BANK1: variants seen among roughly 807,000 people sequenced by gnomAD.
BANK1 encodes the protein B cell scaffold protein with ankyrin repeats 1, also known as B-cell scaffold protein with ankyrin repeats.
Under a neutral mutation model 94.5 loss-of-function variants are expected in BANK1, and 95 were observed. That is an observed-to-expected ratio of 1.00 (90% CI 0.85 to 1.19). The LOEUF is 1.19. BANK1 is among the 50% of genes most tolerant of loss of function. The pLI is 0.00. For missense variants in BANK1, 987 were observed against 932.2 expected, an observed-to-expected ratio of 1.06 and a Z score of -0.77; for synonymous variants, 334 against 308.4, an observed-to-expected ratio of 1.08 and a Z score of -0.87.
chr4:102,058,870 G>C (rs899821354), intron 11 of BANK1, among the ~76,000 whole-genome samples: 1 of 151,930 alleles, frequency 6.6e-6, no homozygotes, highest in Non-Finnish European at 1.5e-5. Context: ...GTGGGAATCA[G>C]AATTATTGGC....
chr4:101,947,309 A>ATATATATATATATATAGATATATATG (rs1176507515), intron 7 of BANK1, among the ~76,000 whole-genome samples: 1 of 67,864 alleles, frequency 1.5e-5, no homozygotes, highest in African/African-American at 4.5e-5. Flanking sequence ...ATATATATAT[A>ATATATATATATATATAGATATATATG]TATGTATATG....
chr4:102,021,573 A>G lies in BANK1; in HGVS notation c.1266A>G (p.Ser422=), dbSNP rs1249938833. Residue 422 remains serine (S), a synonymous_variant, in exon 8 of 17, where the codon TCA becomes TCG. Coordinates refer to ENST00000322953, the MANE Select transcript of BANK1 (RefSeq NM_017935.5). ...QENDYEEDIA[S]FSTYIPSTQN... ...ATGATTATGAAGAGGATATTGCCTC[A>G]TTTTCCACATATATTCCTTGTAAGT... is the stretch of plus-strand genomic sequence containing the variant. The G allele has an allele frequency of 9.8e-6, 14 of 1,433,128 alleles. No homozygotes were observed. The highest frequency in any genetic ancestry group is 1.3e-5 in the Non-Finnish European group (14 of 1,060,578). The allele number at this position is 1,433,128 out of a possible 1,614,324, so 88.8% of individuals were successfully genotyped here.
At chr4:101,945,136 AT>A (rs1329160923) in intron 7 of BANK1, among the ~76,000 whole-genome samples, 1 of 151,948 alleles carries the variant, frequency 6.6e-6, no homozygotes, top group Non-Finnish European at 1.5e-5. Flanking sequence ...TACCTTTTGC[AT>A]TTTAGTTAAA....
chr4:102,051,797 G>T (rs1728056202), intron 11 of BANK1, among the ~76,000 whole-genome samples: 1 of 152,160 alleles, frequency 6.6e-6, no homozygotes, highest in African/African-American at 2.4e-5. Flanking sequence ...GTGGGGGTAG[G>T]AGGGTAATGC....
At chr4:102,003,723 T>C (rs555586186) in intron 7 of BANK1, among the ~76,000 whole-genome samples, 13 of 152,254 alleles carry the variant, frequency 8.5e-5, no homozygotes, top group Admixed American at 4.6e-4. Context: ...AGCAAGGCTC[T>C]GGAAGAGCAT....
At chr4:101,806,450 G>T (rs1274220187) in intron 1 of BANK1, among the ~76,000 whole-genome samples, 2 of 152,098 alleles carry the variant, frequency 1.3e-5, no homozygotes, top group African/African-American at 2.4e-5. Context: ...AGACTGAGTA[G>T]TTCTTAATAA....
intron 1 of BANK1, among the ~76,000 whole-genome samples, chr4:101,810,017 T>A (rs1725687836): frequency 6.6e-6 from 1 of 152,014 alleles, no homozygotes; most frequent in African/African-American, 2.4e-5. Flanking sequence ...TTGGGCCCAA[T>A]ATAATCACAA....
intron 7 of BANK1, among the ~76,000 whole-genome samples, chr4:101,968,833 A>C (rs965169667): frequency 3.3e-5 from 5 of 152,124 alleles, no homozygotes; most frequent in Admixed American, 1.3e-4. Flanking sequence ...TCCTGAGAAG[A>C]AAACAGAAAA....
chr4:102,057,241 GCTCT>G (rs904468077), intron 11 of BANK1, among the ~76,000 whole-genome samples: 6 of 140,820 alleles, frequency 4.3e-5, no homozygotes, highest in South Asian at 2.3e-4. Context: ...TCTCTCTCTT[GCTCT>G]CTCTCTCTTT....
intron 6 of BANK1, among the ~76,000 whole-genome samples, chr4:101,907,796 C>A (rs1465484352): frequency 6.6e-6 from 1 of 152,110 alleles, no homozygotes; most frequent in South Asian, 2.1e-4. Context: ...GAGTGAACTC[C>A]CATTCACAGT....
At chr4:101,878,258 A>C (rs181473591) in intron 5 of BANK1, among the ~76,000 whole-genome samples, 1 of 152,302 alleles carries the variant, frequency 6.6e-6, no homozygotes, top group East Asian at 1.9e-4. Flanking sequence ...GAAAGGATGA[A>C]AAAAGATATC....
chr4:101,956,888 G>A (rs111329746), intron 7 of BANK1, among the ~76,000 whole-genome samples: 1 of 152,178 alleles, frequency 6.6e-6, no homozygotes, highest in African/African-American at 2.4e-5. Flanking sequence ...AGGAATGCAA[G>A]TGAATTACTC....
chr4:102,035,828 C>G, intron 10 of BANK1, among the ~76,000 whole-genome samples: 1 of 148,372 alleles, frequency 6.7e-6, no homozygotes, highest in East Asian at 2.0e-4. Flanking sequence ...TTTTCCTCTA[C>G]TTTTTTTTTT....
intron 11 of BANK1, among the ~76,000 whole-genome samples, chr4:102,055,900 A>G (rs1221948561): frequency 6.6e-6 from 1 of 152,122 alleles, no homozygotes; most frequent in African/African-American, 2.4e-5. Context: ...GAATGTTTCT[A>G]AATTGATAGA....
intron 7 of BANK1, among the ~76,000 whole-genome samples, chr4:101,942,576 G>T (rs1184287028): frequency 6.6e-6 from 1 of 151,850 alleles, no homozygotes; most frequent in Non-Finnish European, 1.5e-5. Context: ...TTTAAAGTTA[G>T]GTCACTGTAC....
intron 5 of BANK1, among the ~76,000 whole-genome samples, chr4:101,887,104 T>C (rs1234297141): frequency 6.6e-6 from 1 of 152,236 alleles, no homozygotes; most frequent in Non-Finnish European, 1.5e-5. Flanking sequence ...GCTCTCTCCC[T>C]CACTGGCTTT....
intron 2 of BANK1, among the ~76,000 whole-genome samples, chr4:101,839,862 A>G (rs901509903): frequency 2.0e-5 from 3 of 150,820 alleles, no homozygotes; most frequent in African/African-American, 7.3e-5. Context: ...TTTAGAAACT[A>G]AGACAAAGGA....
chr4:101,969,702 G>T (rs1298204558), intron 7 of BANK1, among the ~76,000 whole-genome samples: 2 of 152,056 alleles, frequency 1.3e-5, no homozygotes, highest in Non-Finnish European at 2.9e-5. Flanking sequence ...ATGATGTCTA[G>T]AGAATTATAG....
At chr4:101,999,369 C>A (rs1440255888) in intron 7 of BANK1, among the ~76,000 whole-genome samples, 1 of 152,170 alleles carries the variant, frequency 6.6e-6, no homozygotes, top group Non-Finnish European at 1.5e-5. Context: ...TTCCAAATTT[C>A]TCTCTGCTTC....
Sources: allele counts gnomAD v4.1 joint callset (sites outside exome capture counted in the v4.1 genomes callset), GRCh38; gene constraint gnomAD v4.1.1; transcripts MANE v1.5; gene names NCBI Gene and HGNC (gene_info 2026-07-23, HGNC 2026-07-21).